SLC38A9: variants seen among roughly 807,000 people sequenced by gnomAD.
SLC38A9 encodes neutral amino acid transporter 9.
A neutral mutation model predicts 62.3 loss-of-function variants in SLC38A9; 48 were observed. That is an observed-to-expected ratio of 0.77 (90% CI 0.61 to 0.98). SLC38A9 has a LOEUF of 0.98. Among genes scored for constraint, SLC38A9 ranks in the 50% least tolerant of loss-of-function variants. The probability of loss-of-function intolerance (pLI) is 0.00; values close to 1 mark genes in which losing one functional copy is unlikely to be tolerated. For synonymous variants in SLC38A9, 204 were observed against 227.7 expected, an observed-to-expected ratio of 0.90 and a Z score of 0.94; for missense variants, 541 against 679.8, an observed-to-expected ratio of 0.80 and a Z score of 2.27.
Position 55,652,736 on chromosome 5 carries a change from A to G in SLC38A9, c.758-13T>C. The G allele has an allele frequency of 6.3e-7, 1 of 1,595,266 alleles. No individual in the cohort carries two copies. The highest frequency in any genetic ancestry group is 1.4e-5 in the African/African-American group (1 of 73,772). ...CTTGGACAAATCACTGCAATAGGAAAGCACCAGATTAAAGAAGATGACAAA... is the reference window on the plus strand; with the variant it reads ...CTTGGACAAATCACTGCAATAGGAAGGCACCAGATTAAAGAAGATGACAAA... On this transcript the variant is annotated splice_polypyrimidine_tract_variant and intron_variant, in intron 9 of 15. Coordinates refer to ENST00000396865, the MANE Select transcript of SLC38A9 (RefSeq NM_173514.4).
chr5:55,651,291 C>T (rs563551929), intron 10 of SLC38A9, among the ~76,000 whole-genome samples: 2 of 122,570 alleles, frequency 1.6e-5, no homozygotes, highest in East Asian at 2.5e-4. Flanking sequence ...CATTCTGTCA[C>T]CCAGGCTGGA....
chr5:55,670,859 G>A (rs943884567), intron 4 of SLC38A9, among the ~76,000 whole-genome samples: 11 of 151,916 alleles, frequency 7.2e-5, no homozygotes, highest in African/African-American at 2.7e-4. Context: ...AACTACTGAT[G>A]TCAAGGCCTA....
intron 3 of SLC38A9, among the ~76,000 whole-genome samples, chr5:55,677,395 C>T (rs1386132657): frequency 6.6e-6 from 1 of 152,164 alleles, no homozygotes; most frequent in African/African-American, 2.4e-5. Context: ...CCCAGTGTGT[C>T]TTTCAAAATG....
chr5:55,633,869 G>A lies in SLC38A9; in HGVS notation c.1315C>T (p.Leu439=), dbSNP rs779176041. The A allele has an allele frequency of 1.2e-6, 2 of 1,611,864 alleles. No individual in the cohort carries two copies. The highest frequency in any genetic ancestry group is 2.2e-5 in the South Asian group (2 of 90,402). ...AGGAATATCCTTGCAATGAAGGACA[G>A]GGTGTCACTGCTAGGGAAGTTGTCT... ...FLDNFPSSDT[L]SFIARIFLLF... is the part of the protein sequence containing the mutation. The change falls in exon 14 of 16, where the codon CTG becomes TTG. Residue 439 remains leucine (L), a synonymous_variant. Coordinates refer to ENST00000396865, the MANE Select transcript of SLC38A9 (RefSeq NM_173514.4).
rs1561287218 is a variant in SLC38A9, at chr5:55,626,457, TATC to T, written c.*34_*36del. 3 of 1,564,256 alleles carry T rather than the reference TATC, an allele frequency of 1.9e-6. No homozygotes were observed. The highest frequency in any genetic ancestry group is 2.2e-5 in the East Asian group (1 of 44,592). On this transcript the variant is annotated 3_prime_UTR_variant, in exon 16 of 16. Coordinates refer to ENST00000396865, the MANE Select transcript of SLC38A9 (RefSeq NM_173514.4). ...ATAGAACTGTTGTCAAGGCTCAAAA[TATC>T]ATGAGAGCTCTTGAAAAAAACAGTT...
chr5:55,698,877 C>G (rs192195151), intron 2 of SLC38A9, among the ~76,000 whole-genome samples: 1 of 152,218 alleles, frequency 6.6e-6, no homozygotes, highest in East Asian at 1.9e-4. Flanking sequence ...TTGGAGGCTA[C>G]AGTGAGCTAT....
chr5:55,646,723 A>T (rs1746426851), intron 11 of SLC38A9, among the ~76,000 whole-genome samples: 1 of 152,110 alleles, frequency 6.6e-6, no homozygotes, highest in Non-Finnish European at 1.5e-5. Flanking sequence ...TATGATTGAA[A>T]TAGCATACAT....
intron 2 of SLC38A9, among the ~76,000 whole-genome samples, chr5:55,700,100 G>A (rs369495527): frequency 2.7e-4 from 25 of 94,136 alleles, no homozygotes; most frequent in African/African-American, 5.8e-4. Flanking sequence ...AACACTTTGC[G>A]GGGGTCGAGG....
chr5:55,672,641 C>T lies in SLC38A9; in HGVS notation c.168G>A (p.Arg56=), dbSNP rs2150360646. The T allele has an allele frequency of 6.2e-7, 1 of 1,614,018 alleles. No homozygotes were observed. Among genetic ancestry groups the T allele is most frequent in the Non-Finnish European group, 8.5e-7 (1 of 1,180,002 alleles). ...TCATGGCAGAGGCATGGTCACTAAC[C>T]CTCTGAATGACATGATTCACATTCA... ...NIVNVNHVIQ[R]VSDHASAMNK... is the part of the protein sequence containing the mutation. The change falls in exon 4 of 16, where the codon AGG becomes AGA. Residue 56 remains arginine (R), a synonymous_variant. Coordinates refer to ENST00000396865, the MANE Select transcript of SLC38A9 (RefSeq NM_173514.4).
At chr5:55,651,636 G>A (rs1411906880) in intron 10 of SLC38A9, among the ~76,000 whole-genome samples, 4 of 152,004 alleles carry the variant, frequency 2.6e-5, no homozygotes, top group Non-Finnish European at 5.9e-5. Flanking sequence ...CCTTGAAGAA[G>A]GCAATAGCGT....
intron 12 of SLC38A9, among the ~76,000 whole-genome samples, chr5:55,645,041 A>G (rs954924102): frequency 4.6e-5 from 7 of 152,150 alleles, no homozygotes; most frequent in African/African-American, 1.7e-4. Flanking sequence ...TACAAAGGAC[A>G]TGAACTCATC....
intron 10 of SLC38A9, among the ~76,000 whole-genome samples, chr5:55,652,234 T>C (rs1415518743): frequency 6.6e-6 from 1 of 150,662 alleles, no homozygotes; most frequent in Non-Finnish European, 1.5e-5. Flanking sequence ...GGCGCATACC[T>C]GTAATCCCAG....
intron 3 of SLC38A9, among the ~76,000 whole-genome samples, chr5:55,687,819 C>T (rs1302043299): frequency 6.6e-6 from 1 of 152,138 alleles, no homozygotes; most frequent in African/African-American, 2.4e-5. Flanking sequence ...TGGCCTCAGC[C>T]TCCCGAGTGC....
chr5:55,656,813 A>G, intron 8 of SLC38A9, 39 bp from the exon 9 acceptor site: 1 of 1,068,542 alleles, frequency 9.4e-7, no homozygotes, highest in Non-Finnish European at 1.4e-6. Context: ...ACACTGAATG[A>G]AAGACACTAA....
chr5:55,645,868 G>C lies in SLC38A9; in HGVS notation c.1088C>G (p.Thr363Ser), dbSNP rs1463083673. The change falls in exon 12 of 16, where the codon ACT becomes AGT. Residue 363 changes from threonine (T) to serine (S), a missense_variant. By Grantham distance (58) the Thr-to-Ser change is moderately conservative (BLOSUM62 1). Transcript: ENST00000396865. ...AAAAAAAGCAAGGGTAAGCACTCCA[G>C]TCAGCTGTGGAAACTGAAATCTTAT... ...PEIRFQFPQL[T>S]GVLTLAFFIH... 1.2e-6 allele frequency: 2 copies of C among 1,609,986 alleles called. No homozygotes were observed.
intron 3 of SLC38A9, among the ~76,000 whole-genome samples, chr5:55,680,989 G>T (rs1752922832): frequency 6.6e-6 from 1 of 152,156 alleles, no homozygotes; most frequent in South Asian, 2.1e-4. Context: ...TTATCCATAG[G>T]AAAGTTTTAC....
At chr5:55,658,341 A>G (rs888545877) in intron 8 of SLC38A9, among the ~76,000 whole-genome samples, 8 of 152,078 alleles carry the variant, frequency 5.3e-5, no homozygotes, top group Admixed American at 3.3e-4. Flanking sequence ...TTTAGTAGAG[A>G]CAGGGTTTCA....
Position 55,697,913 on chromosome 5 carries a change from C to T in SLC38A9, c.46G>A (p.Val16Ile). The change falls in exon 3 of 16, where the codon GTA (valine) becomes ATA (isoleucine). Residue 16 changes from valine to isoleucine, a missense_variant. Coordinates refer to ENST00000396865, the MANE Select transcript of SLC38A9 (RefSeq NM_173514.4). ...GGTCCAGGATCTCTTTCATGATCTA[C>T]CTCAGAGGTGCCAAGATGCCTAGAA... ...SDSRHLGTSEVDHERDPGPMN... is the reference protein window; with the variant it reads ...SDSRHLGTSEIDHERDPGPMN... 1 of 1,604,548 alleles carries T rather than the reference C, an allele frequency of 6.2e-7. No individual in the cohort carries two copies. The highest frequency in any genetic ancestry group is 8.5e-7 in the Non-Finnish European group (1 of 1,176,910).
In SLC38A9 at chr5:55,697,975, G is replaced by A; in HGVS notation, c.-17C>T. On this transcript the variant is annotated 5_prime_UTR_variant, in exon 3 of 16. Coordinates refer to ENST00000396865, the MANE Select transcript of SLC38A9 (RefSeq NM_173514.4). ...ATTTGCCATTTTTCTCACACTCTAA[G>A]CACTGAAGAAGTTAGTCCTACACAA... is the stretch of plus-strand genomic sequence containing the variant. 5.9e-6 allele frequency: 8 copies of A among 1,362,512 alleles called. No individual in the cohort carries two copies. Among genetic ancestry groups the A allele is most frequent in the Non-Finnish European group, 8.3e-6 (8 of 967,376 alleles). The allele number at this position is 1,362,512 out of a possible 1,614,324, so 84.4% of individuals were successfully genotyped here.
Sources: gnomAD v4.1 joint callset for allele counts (sites outside exome capture counted in the v4.1 genomes callset) on GRCh38, gnomAD v4.1.1 for gene constraint, MANE v1.5 for transcripts, NCBI Gene and HGNC (gene_info 2026-07-23, HGNC 2026-07-21) for gene names.